Variants in FHAD1 observed in about 807,000 individuals in gnomAD.
FHAD1 encodes the protein forkhead associated phosphopeptide binding domain 1.
FHAD1 carries 146 observed loss-of-function variants against 191.3 expected under a neutral mutation model. That is an observed-to-expected ratio of 0.76 (90% CI 0.67 to 0.88). The LOEUF is 0.88. Among genes scored for constraint, FHAD1 ranks in the 40% least tolerant of loss-of-function variants. FHAD1 has a pLI of 0.00. For synonymous variants in FHAD1, 616 were observed against 672.3 expected (o/e 0.92, Z 1.29); for missense variants, 1,635 against 1,785.8 (o/e 0.92, Z 1.52).
Position 15,397,370 on chromosome 1 carries a change from C to G in FHAD1, c.4397C>G (p.Ser1466Cys). Reference protein sequence around the residue: ...EMLRKETSSKSSQSLLHSKPS... With the variant: ...EMLRKETSSKCSQSLLHSKPS... ...CTGAGGAAAGAGACCTCCAGCAAGTCCAGCCAGAGCCTTTTGCATTCTAAG... is the reference window on the plus strand; with the variant it reads ...CTGAGGAAAGAGACCTCCAGCAAGTGCAGCCAGAGCCTTTTGCATTCTAAG... The change falls in exon 34 of 34, where the codon TCC (serine) becomes TGC (cysteine). Residue 1466 changes from serine to cysteine, a missense_variant. By Grantham distance (112) the Ser-to-Cys change is moderately radical. Coordinates refer to ENST00000688493, the MANE Select transcript of FHAD1 (RefSeq NM_001391957.1). 6.5e-7 allele frequency: 1 copy of G among 1,545,724 alleles called. No homozygotes were observed.
chr1:15,331,798 A>C (rs1681730777), intron 14 of FHAD1, among the ~76,000 whole-genome samples: 1 of 152,088 alleles, frequency 6.6e-6, no homozygotes, highest in African/African-American at 2.4e-5. Context: ...GAATGGTATC[A>C]GTTAGGAAGA....
Position 15,365,886 on chromosome 1 carries a change from T to C in FHAD1, c.3107T>C (p.Leu1036Ser). Reference protein sequence around the residue: ...ILSQQEVIMKLRKDLTEAHSR... With the variant: ...ILSQQEVIMKSRKDLTEAHSR... The stretch of plus-strand genomic sequence containing the variant: ...TCTCAGCAGGAAGTCATCATGAAGT[T>C]AAGGAAAGACCTTACCGAAGCCCAC... The change falls in exon 24 of 34, where the codon TTA becomes TCA. Residue 1036 changes from leucine (L) to serine (S), a missense_variant. By Grantham distance (145) the Leu-to-Ser change is moderately radical. Transcript: ENST00000688493. 2 of 1,551,692 alleles carry C rather than the reference T, an allele frequency of 1.3e-6. No individual in the cohort carries two copies. Among genetic ancestry groups the C allele is most frequent in the Non-Finnish European group, 1.7e-6 (2 of 1,146,966 alleles).
rs998791055 is a variant in FHAD1, at chr1:15,374,483, C to T, written c.3448-19C>T. 49 of 1,551,290 alleles carry T rather than the reference C, an allele frequency of 3.2e-5. No homozygotes were observed. Among genetic ancestry groups the T allele is most frequent in the Admixed American group, 7.9e-5 (4 of 50,930 alleles). ...TTCTAATCCCTGATCAAATGCTGCC[C>T]GCCCCATTCTGCCCACAGCAGCAAT... On this transcript the variant is annotated intron_variant, in intron 26 of 33. Transcript: ENST00000688493.
chr1:15,359,120 A>G (rs375021241), intron 21 of FHAD1, among the ~76,000 whole-genome samples: 2 of 152,052 alleles, frequency 1.3e-5, no homozygotes, highest in Non-Finnish European at 2.9e-5. Flanking sequence ...GGATGGGAGT[A>G]TGGAGGTCTG....
intron 2 of FHAD1, among the ~76,000 whole-genome samples, chr1:15,256,292 G>A (rs1648024177): frequency 6.6e-6 from 1 of 152,170 alleles, no homozygotes. Flanking sequence ...GTGGGGTTAG[G>A]TGAGGTCAGG....
At position 15,381,464 on chromosome 1, in the gene FHAD1, C is replaced by T. The variant is rs1202786703; in HGVS notation, c.4022+13C>T. The T allele has an allele frequency of 6.5e-7, 1 of 1,543,708 alleles. No individual in the cohort carries two copies. The highest frequency in any genetic ancestry group is 2.0e-5 in the Admixed American group (1 of 50,964). On this transcript the variant is annotated intron_variant, in intron 30 of 33. Transcript: ENST00000688493. This position sits in a 1 kb window ranked among gnomAD's most constrained non-coding sequence, Gnocchi z 4.6. ...TTGAACAGCTCAGGTACCTCGGCAC[C>T]CCCATGTCCCCACAGAAAGGCCCGG... is the stretch of plus-strand genomic sequence containing the variant.
At chr1:15,337,842 C>T (rs1035183652) in intron 14 of FHAD1, among the ~76,000 whole-genome samples, 3 of 152,238 alleles carry the variant, frequency 2.0e-5, no homozygotes, top group East Asian at 3.9e-4. Flanking sequence ...ACTCAGACCT[C>T]GAGTCACACC....
chr1:15,359,952 G>GA (rs1213659383), intron 21 of FHAD1, among the ~76,000 whole-genome samples: 54 of 145,936 alleles, frequency 3.7e-4, no homozygotes, highest in Non-Finnish European at 5.3e-4. Flanking sequence ...TCCGTCTCAA[G>GA]AAAAAAAAAA....
chr1:15,271,140 G>GCAAAAA (rs778934037), intron 2 of FHAD1, among the ~76,000 whole-genome samples: 1 of 76,678 alleles, frequency 1.3e-5, no homozygotes, highest in East Asian at 3.6e-4. Context: ...CTCCATCTCG[G>GCAAAAA]AAAAAAAAAA....
intron 28 of FHAD1, among the ~76,000 whole-genome samples, chr1:15,378,022 G>C (rs986025239): frequency 3.9e-5 from 6 of 152,064 alleles, no homozygotes; most frequent in African/African-American, 1.2e-4. Flanking sequence ...GAAGACTTCA[G>C]GCCAGGCACG....
At chr1:15,274,968 C>CT (rs549816972) in intron 3 of FHAD1, among the ~76,000 whole-genome samples, 4,091 of 147,906 alleles carry the variant, frequency 0.028, 77 homozygotes, top group African/African-American at 0.053. Context: ...ACAAAGCACA[C>CT]TTTTTTTTTT....
rs1033246139 is a variant in FHAD1, at chr1:15,360,340, C to T, written c.2737-138C>T. 15 of 672,546 alleles carry T rather than the reference C, an allele frequency of 2.2e-5. No homozygotes were observed. The East Asian group carries it at 2.4e-4, about 11-fold the overall frequency. 41.7% of individuals were successfully genotyped at this position (672,546 alleles called of 1,614,324 possible). A position where few individuals can be genotyped will look rare whatever the true frequency, so the allele number is the denominator to read the frequency against. ...TGCAAGGAGCTGGGGAAGAAGTGCA[C>T]AGGGCAGAGGGAACTGCATGTGCTA... On this transcript the variant is annotated intron_variant, in intron 21 of 33. Transcript: ENST00000688493.
chr1:15,288,692 G>T (rs544001541), intron 3 of FHAD1, among the ~76,000 whole-genome samples: 3 of 152,234 alleles, frequency 2.0e-5, no homozygotes, highest in Non-Finnish European at 4.4e-5. Context: ...TAGATGAAAA[G>T]TCCCTAATCC....
chr1:15,382,881 G>A (rs112793513), intron 31 of FHAD1, among the ~76,000 whole-genome samples: 6,355 of 152,296 alleles, frequency 0.042, 207 homozygotes, highest in African/African-American at 0.083. Context: ...TGAAGGAGCC[G>A]CAGAGGAAAG....
At position 15,316,268 on chromosome 1, in the gene FHAD1, C is replaced by T; in HGVS notation, c.1171-110C>T. The T allele has an allele frequency of 2.4e-6, 2 of 824,176 alleles. No homozygotes were observed. Among genetic ancestry groups the T allele is most frequent in the Non-Finnish European group, 3.9e-6 (2 of 510,022 alleles). 51.1% of individuals were successfully genotyped at this position (824,176 alleles called of 1,614,324 possible). On this transcript the variant is annotated intron_variant, in intron 8 of 33. Transcript: ENST00000688493. The surrounding 1 kb of genome is among the most constrained non-coding windows in gnomAD (Gnocchi z 4.3). Reference sequence around the variant, plus strand: ...ATCTCAGTGCGTGACTGGATGGAAACAGCAGGAAATGCTCTCAGGGGCTCA... The same window carrying T: ...ATCTCAGTGCGTGACTGGATGGAAATAGCAGGAAATGCTCTCAGGGGCTCA...
At chr1:15,365,748 G>T in intron 23 of FHAD1, 79 bp from the exon 24 acceptor site, 2 of 790,968 alleles carry the variant, frequency 2.5e-6, no homozygotes, top group Non-Finnish European at 2.1e-6. Context: ...CTTTGCATTT[G>T]TACTTGGCCC....
chr1:15,296,358 A>G (rs1558034638), intron 4 of FHAD1, among the ~76,000 whole-genome samples: 1 of 147,944 alleles, frequency 6.8e-6, no homozygotes, highest in Non-Finnish European at 1.5e-5. Flanking sequence ...GGTTCACGCC[A>G]TTCTCCTGCC....
At chr1:15,251,436 T>C (rs1428599482) in intron 1 of FHAD1, among the ~76,000 whole-genome samples, 1 of 152,144 alleles carries the variant, frequency 6.6e-6, no homozygotes, top group African/African-American at 2.4e-5. Context: ...ATACTAAGCT[T>C]GATGGGAGGT....
chr1:15,344,779 G>A (rs1285653567), intron 16 of FHAD1, among the ~76,000 whole-genome samples: 3 of 152,162 alleles, frequency 2.0e-5, no homozygotes, highest in Admixed American at 6.5e-5. Context: ...GTTCATCGTC[G>A]CATCCACCCC....
Sources: gnomAD v4.1 joint callset for allele counts (sites outside exome capture counted in the v4.1 genomes callset) on GRCh38, gnomAD v4.1.1 for gene constraint, Gnocchi (gnomAD v3.1) non-coding constraint, MANE v1.5 for transcripts, NCBI Gene and HGNC (gene_info 2026-07-23, HGNC 2026-07-21) for gene names.